The following SLC16A2 variants were observed in gnomAD, a reference collection of about 807,000 sequenced individuals.
SLC16A2 encodes the protein monocarboxylate transporter 8.
Under a neutral mutation model 27.2 loss-of-function variants are expected in SLC16A2, and 3 were observed. The observed-to-expected ratio is 0.11, with a 90% CI of 0.05 to 0.28. The LOEUF (loss-of-function observed/expected upper bound fraction) is 0.28, where lower values mean the gene tolerates loss of function less well. SLC16A2 is among the 10% of genes least tolerant of loss of function. The probability of loss-of-function intolerance (pLI) is 1.00; values close to 1 mark genes in which losing one functional copy is unlikely to be tolerated. For missense variants in SLC16A2, 295 were observed against 458.5 expected (o/e 0.64, Z 3.26); for synonymous variants, 202 against 187.8 (o/e 1.08, Z -0.62).
At chrX:74,503,017 G>A (rs1209748681) in intron 1 of SLC16A2, among the ~76,000 whole-genome samples, 1 of 109,647 alleles carries the variant, frequency 9.1e-6, no homozygotes, top group Non-Finnish European at 1.9e-5. Flanking sequence ...GGTTCTTAGT[G>A]TTGATTTCAG....
At chrX:74,426,788 C>T (rs902312839) in intron 1 of SLC16A2, among the ~76,000 whole-genome samples, 2 of 112,465 alleles carry the variant, frequency 1.8e-5, no homozygotes, top group East Asian at 2.8e-4. Flanking sequence ...AATAAAAGTT[C>T]GTTAAGCTGC....
At chrX:74,442,142 C>T (rs773154600) in intron 1 of SLC16A2, among the ~76,000 whole-genome samples, 33 of 105,411 alleles carry the variant, frequency 3.1e-4, no homozygotes, top group Middle Eastern at 4.8e-3. Flanking sequence ...GCAGGAGAAT[C>T]GCTTGAACCC....
At chrX:74,525,340 G>A (rs1239452687) in intron 3 of SLC16A2, among the ~76,000 whole-genome samples, 1 of 112,097 alleles carries the variant, frequency 8.9e-6, no homozygotes, top group African/African-American at 3.2e-5. Flanking sequence ...TCCTCCACAG[G>A]CTTCATGTTT....
intron 1 of SLC16A2, among the ~76,000 whole-genome samples, chrX:74,487,099 A>T (rs868255286): frequency 9.1e-6 from 1 of 109,884 alleles, no homozygotes; most frequent in Non-Finnish European, 1.9e-5. Flanking sequence ...TTATTTATTT[A>T]TTTTTTACCC....
intron 1 of SLC16A2, among the ~76,000 whole-genome samples, chrX:74,478,667 G>C (rs1204006746): frequency 1.8e-5 from 2 of 110,542 alleles, no homozygotes; most frequent in Admixed American, 1.9e-4. Flanking sequence ...AGCTCTTTTA[G>C]GGCAGGCCTG....
intron 3 of SLC16A2, 93 bp downstream of exon 3, chrX:74,524,902 A>G (rs1193198674): frequency 2.5e-6 from 2 of 790,545 alleles, no homozygotes; most frequent in Non-Finnish European, 3.8e-6. Flanking sequence ...GGAGACATTG[A>G]AAGGGCAGAG....
In SLC16A2 at chrX:74,463,605, C is replaced by T. The variant is rs184476963; in HGVS notation, c.430+41538C>T. Among the ~76,000 whole-genome samples the T allele has an allele frequency of 4.8e-3, 536 of 110,853 alleles. 2 individuals carry two copies. The highest frequency in any genetic ancestry group is 0.017 in the African/African-American group (504 of 30,478). Reference sequence around the variant, plus strand: ...GCAGTGGCACGATCTCGGCTCACTGCAAACTCCTCCTCCCGGGTTCATGCC... The same window carrying T: ...GCAGTGGCACGATCTCGGCTCACTGTAAACTCCTCCTCCCGGGTTCATGCC... On this transcript the variant is annotated intron_variant, in intron 1 of 5. Transcript: ENST00000587091.
Position 74,432,475 on chromosome X carries a change from A to T in SLC16A2, c.430+10408A>T, listed in dbSNP as rs182007629. Among the ~76,000 whole-genome samples the T allele has an allele frequency of 1.3e-3, 141 of 112,097 alleles. 1 individual carries two copies. Among genetic ancestry groups the T allele is most frequent in the African/African-American group, 4.3e-3 (134 of 30,853 alleles). ...TTTCATTAAGACAAGCTAGTAGGCA[A>T]ATCAGAACAAAAATGTTTTGCTTTT... On this transcript the variant is annotated intron_variant, in intron 1 of 5. Coordinates refer to ENST00000587091, the MANE Select transcript of SLC16A2 (RefSeq NM_006517.5).
chrX:74,526,667 CACAG>C (rs1174420430), intron 4 of SLC16A2, among the ~76,000 whole-genome samples: 1 of 112,421 alleles, frequency 8.9e-6, no homozygotes, highest in Non-Finnish European at 1.9e-5. Flanking sequence ...GAAAGGCTCA[CACAG>C]ACAGTAGTAG....
intron 1 of SLC16A2, among the ~76,000 whole-genome samples, chrX:74,446,835 C>G (rs148197237): frequency 8.2e-4 from 92 of 112,237 alleles, no homozygotes; most frequent in Admixed American, 1.5e-3. Flanking sequence ...TTACCTACCT[C>G]TTATGCAAAG....
intron 1 of SLC16A2, among the ~76,000 whole-genome samples, chrX:74,467,439 G>A (rs778882324): frequency 9.0e-6 from 1 of 111,452 alleles, no homozygotes; most frequent in South Asian, 3.8e-4. Context: ...AGACTTTGTG[G>A]CCACATCTAG....
intron 1 of SLC16A2, among the ~76,000 whole-genome samples, chrX:74,484,270 T>A (rs1929676497): frequency 8.9e-6 from 1 of 112,140 alleles, no homozygotes; most frequent in Non-Finnish European, 1.9e-5. Context: ...GAGCTATCAA[T>A]CAAATACATT....
chrX:74,523,054 C>T (rs903570799), intron 2 of SLC16A2, among the ~76,000 whole-genome samples: 1 of 111,615 alleles, frequency 9.0e-6, no homozygotes, highest in African/African-American at 3.3e-5. Flanking sequence ...ATGTTTTTCC[C>T]CCACTGGCCC....
At chrX:74,448,302 ATTTTTTT>A (rs144467927) in intron 1 of SLC16A2, among the ~76,000 whole-genome samples, 23 of 64,248 alleles carry the variant, frequency 3.6e-4, no homozygotes, top group Non-Finnish European at 5.5e-4. Context: ...AATCCTTTGG[ATTTTTTT>A]TTTTTTTTTT....
chrX:74,507,472 C>T (rs187977596), intron 1 of SLC16A2, among the ~76,000 whole-genome samples: 2 of 111,912 alleles, frequency 1.8e-5, no homozygotes, highest in African/African-American at 6.5e-5. Context: ...GCAGATTTCT[C>T]AAAGAATGTA....
rs1304290630 is a variant in SLC16A2, at chrX:74,438,975, T to C, written c.430+16908T>C. 2.7e-5 allele frequency among the ~76,000 whole-genome samples: 3 copies of C among 111,623 alleles called. No homozygotes were observed. The Admixed American group carries it at 2.9e-4, about 11-fold the overall frequency. ...TGTTTGCAAAGAGCTGACAGCATTT[T>C]CAGACTTTTTTCAAAACGTAGTTAA... On this transcript the variant is annotated intron_variant, in intron 1 of 5. Transcript: ENST00000587091.
Position 74,533,605 on chromosome X carries a change from TC to T in SLC16A2, c.*2053del, listed in dbSNP as rs1930605688. 1 of 112,743 alleles carries T rather than the reference TC, an allele frequency of 8.9e-6. No homozygotes were observed. Among genetic ancestry groups the T allele is most frequent in the South Asian group, 3.7e-4 (1 of 2,710 alleles). The allele number at this position is 112,743 out of a possible 1,213,427, so 9.3% of individuals were successfully genotyped here. On this transcript the variant is annotated 3_prime_UTR_variant, in exon 6 of 6. Transcript: ENST00000587091. ...TTAAGATGCAGATGGCTCTTAAGAATCAGGCAGTCGCCCACTTCTCTCCAGA... is the reference window on the plus strand; with the variant it reads ...TTAAGATGCAGATGGCTCTTAAGAATAGGCAGTCGCCCACTTCTCTCCAGA...
chrX:74,438,460 C>T (rs1453523211), intron 1 of SLC16A2, among the ~76,000 whole-genome samples: 1 of 112,917 alleles, frequency 8.9e-6, no homozygotes, highest in Non-Finnish European at 1.9e-5. Flanking sequence ...TATAAGCAAC[C>T]ACTTATATGT....
At chrX:74,479,366 A>G (rs898335871) in intron 1 of SLC16A2, among the ~76,000 whole-genome samples, 1 of 111,202 alleles carries the variant, frequency 9.0e-6, no homozygotes, top group Non-Finnish European at 1.9e-5. Context: ...AGCATTGGTT[A>G]TTCTAGTTAG....
Sources: allele counts gnomAD v4.1 joint callset (sites outside exome capture counted in the v4.1 genomes callset), GRCh38; gene constraint gnomAD v4.1.1; transcripts MANE v1.5; gene names NCBI Gene and HGNC (gene_info 2026-07-23, HGNC 2026-07-21).